OTOA: variants seen among roughly 807,000 people sequenced by gnomAD.
The protein encoded by OTOA is cancer/testis antigen 108.
A neutral mutation model predicts 110.8 loss-of-function variants in OTOA; 70 were observed. The observed-to-expected ratio is 0.63, with a 90% CI of 0.52 to 0.77. The LOEUF is 0.77. Ranked by LOEUF, OTOA falls within the 30% of genes least tolerant of loss-of-function variation. OTOA has a pLI of 0.00. For missense variants in OTOA, 917 were observed against 1,075.8 expected (o/e 0.85, Z 2.06); for synonymous variants, 373 against 431.5 (o/e 0.86, Z 1.68).
At chr16:21,701,199 T>C in intron 11 of OTOA, 172 bp downstream of exon 11, 1 of 936,784 alleles carries the variant, frequency 1.1e-6, no homozygotes, top group Non-Finnish European at 1.6e-6. Context: ...ACTTTTTTTA[T>C]GAAGAGGTTA....
At position 21,683,352 on chromosome 16, in the gene OTOA, A is replaced by G. The variant is rs545693356; in HGVS notation, c.267+1527A>G. ...TCCTTTTATTGCCTCCATTTTGCAG[A>G]TAAGAAAACTGAGGCCCAGAAGAAA... On this transcript the variant is annotated intron_variant, in intron 6 of 28. Transcript: ENST00000646100. 9.0e-4 allele frequency among the ~76,000 whole-genome samples: 137 copies of G among 152,300 alleles called. 2 individuals are homozygous for G. Among genetic ancestry groups the G allele is most frequent in the African/African-American group, 3.1e-3 (130 of 41,552 alleles).
chr16:21,728,402 A>T lies in OTOA; in HGVS notation c.2178A>T (p.Ala726=). The stretch of plus-strand genomic sequence containing the variant: ...ACCTCAACCCTGAGCAAAAGGCTGC[A>T]GTGAGGCTCAAGCTCCTGGGACAGT... ...CPDLNPEQKA[A]VRLKLLGQYG... is the part of the protein sequence containing the mutation. The change falls in exon 20 of 29, where the codon GCA becomes GCT. Residue 726 remains alanine, a synonymous_variant. Coordinates refer to ENST00000646100, the MANE Select transcript of OTOA (RefSeq NM_144672.4). 6.2e-7 allele frequency: 1 copy of T among 1,614,124 alleles called. No homozygotes were observed. The highest frequency in any genetic ancestry group is 8.5e-7 in the Non-Finnish European group (1 of 1,180,006).
At chr16:21,720,849 A>G (rs1036619726) in intron 17 of OTOA, among the ~76,000 whole-genome samples, 1 of 152,010 alleles carries the variant, frequency 6.6e-6, no homozygotes, top group Non-Finnish European at 1.5e-5. Flanking sequence ...TTCAAATACC[A>G]GTTAATTAGA....
chr16:21,706,416 G>A (rs998346212), intron 12 of OTOA, among the ~76,000 whole-genome samples: 5 of 152,172 alleles, frequency 3.3e-5, no homozygotes, highest in Admixed American at 6.6e-5. Context: ...TCCCTGCCAG[G>A]TGCCACCCTC....
chr16:21,691,821 G>T (rs1363790870), intron 9 of OTOA, 134 bp downstream of exon 9: 1 of 775,832 alleles, frequency 1.3e-6, no homozygotes, highest in African/African-American at 1.7e-5. Flanking sequence ...TCGAAAAACA[G>T]TTTGATGTGG....
chr16:21,703,159 A>G (rs542078732), intron 11 of OTOA, among the ~76,000 whole-genome samples: 1 of 152,202 alleles, frequency 6.6e-6, no homozygotes, highest in South Asian at 2.1e-4. Context: ...TTTTGAGTAT[A>G]TGATACATTG....
Position 21,724,115 on chromosome 16 carries a change from G to A in OTOA, c.1880+1137G>A, listed in dbSNP as rs576344468. Among the ~76,000 whole-genome samples, 6 of 152,312 alleles carry A rather than the reference G, an allele frequency of 3.9e-5. No homozygotes were observed. The South Asian group carries it at 1.2e-3, about 32-fold the overall frequency. ...ACACACCTCTGTTAGGACAGAGGTGGAAGAACATGTTTGGGGGAAGATGTT... is the reference window on the plus strand; with the variant it reads ...ACACACCTCTGTTAGGACAGAGGTGAAAGAACATGTTTGGGGGAAGATGTT... On this transcript the variant is annotated intron_variant, in intron 18 of 28. Transcript: ENST00000646100.
rs1232183406 is a variant in OTOA, at chr16:21,728,275, T to C, written c.2051T>C (p.Ile684Thr). 1 of 1,614,032 alleles carries C rather than the reference T, an allele frequency of 6.2e-7. No homozygotes were observed. The highest frequency in any genetic ancestry group is 2.2e-5 in the East Asian group (1 of 44,882). The change falls in exon 20 of 29, where the codon ATC (isoleucine) becomes ACC (threonine). Residue 684 changes from isoleucine to threonine, a missense_variant. Transcript: ENST00000646100. ...ATTGCTGATGAGTACACTGTGGACA[T>C]CATGGGGAACCTGCTGTGTCACTTG... The part of the protein sequence containing the change: ...DSIADEYTVD[I>T]MGNLLCHLPA...
chr16:21,726,591 G>T lies in OTOA; in HGVS notation c.1949G>T (p.Trp650Leu). 6.2e-7 allele frequency: 1 copy of T among 1,614,048 alleles called. No individual in the cohort carries two copies. Among genetic ancestry groups the T allele is most frequent in the Non-Finnish European group, 8.5e-7 (1 of 1,180,010 alleles). Residue 650 changes from tryptophan to leucine, a missense_variant, in exon 19 of 29, where the codon TGG becomes TTG. Trp to Leu is a moderately conservative substitution (Grantham distance 61, BLOSUM62 -2). Coordinates refer to ENST00000646100, the MANE Select transcript of OTOA (RefSeq NM_144672.4). ...VPFLISLGKS[W>L]LDSLVLDSHK... is the part of the protein sequence containing the mutation. ...TTTCTGATCAGCCTGGGGAAGAGCT[G>T]GTTGGACTCCTTGGTTTTAGATTCC...
intron 15 of OTOA, among the ~76,000 whole-genome samples, chr16:21,717,302 ATGG>A (rs1334976257): frequency 1.3e-5 from 2 of 152,072 alleles, no homozygotes; most frequent in Non-Finnish European, 2.9e-5. Flanking sequence ...TTAGCCAGGC[ATGG>A]TGATGCATGT....
At chr16:21,707,849 C>T (rs935694515) in intron 12 of OTOA, among the ~76,000 whole-genome samples, 4 of 137,602 alleles carry the variant, frequency 2.9e-5, no homozygotes, top group Admixed American at 1.6e-4. Context: ...GGCTGGAGTG[C>T]GGTAGCACGA....
intron 9 of OTOA, 145 bp downstream of exon 9, chr16:21,691,832 C>T (rs1897836110): frequency 1.4e-6 from 1 of 714,610 alleles, no homozygotes; most frequent in Non-Finnish European, 2.4e-6. Flanking sequence ...TTTGATGTGG[C>T]TTATGGAGTA....
intron 16 of OTOA, 37 bp downstream of exon 16, chr16:21,719,228 C>A (rs377342050): frequency 2.5e-6 from 4 of 1,610,434 alleles, no homozygotes; most frequent in South Asian, 1.1e-5. Context: ...GCTGAACAGG[C>A]CTTTCAGAGC....
chr16:21,667,256 G>A (rs1966842011), intron 1 of OTOA, among the ~76,000 whole-genome samples: 1 of 152,228 alleles, frequency 6.6e-6, no homozygotes, highest in African/African-American at 2.4e-5. Context: ...GGGCAGTAAA[G>A]TAAGCATAAT....
chr16:21,736,516 A>G (rs1267547019), intron 22 of OTOA, 126 bp downstream of exon 22: 2 of 1,101,534 alleles, frequency 1.8e-6, no homozygotes, highest in Non-Finnish European at 1.4e-6. Context: ...CAATAGAATG[A>G]CAAAATCTAT....
intron 18 of OTOA, 50 bp downstream of exon 18, chr16:21,723,028 G>A: frequency 6.4e-7 from 1 of 1,565,424 alleles, no homozygotes. Flanking sequence ...AGATCGGTGG[G>A]AATCACTGAA....
intron 12 of OTOA, among the ~76,000 whole-genome samples, chr16:21,707,608 TC>T (rs1898210627): frequency 1.1e-5 from 1 of 87,782 alleles, no homozygotes; most frequent in Non-Finnish European, 2.8e-5. Flanking sequence ...TTTCTTTCTT[TC>T]TTTCTTTCTT....
In OTOA at chr16:21,687,487, C is replaced by T; in HGVS notation, c.474C>T (p.Ser158=). ...RALQSPGVNR[S]LFLITLERCF... ...TGCAGAGCCCTGGCGTGAACCGCAG[C>T]CTGTTTCTCATCACACTGGAGAGGT... Residue 158 remains serine, a synonymous_variant, in exon 8 of 29, where the codon AGC becomes AGT. Transcript: ENST00000646100. 1 of 1,613,990 alleles carries T rather than the reference C, an allele frequency of 6.2e-7. No homozygotes were observed. Among genetic ancestry groups the T allele is most frequent in the South Asian group, 1.1e-5 (1 of 91,076 alleles).
At chr16:21,699,174 C>T (rs1490174606) in intron 10 of OTOA, among the ~76,000 whole-genome samples, 1 of 151,794 alleles carries the variant, frequency 6.6e-6, no homozygotes, top group Non-Finnish European at 1.5e-5. Flanking sequence ...TGGTCTTGAA[C>T]TCTTGACCTC....
Sources: allele counts gnomAD v4.1 joint callset (sites outside exome capture counted in the v4.1 genomes callset), GRCh38; gene constraint gnomAD v4.1.1; transcripts MANE v1.5; gene names NCBI Gene and HGNC (gene_info 2026-07-23, HGNC 2026-07-21).